COG7: variants seen among roughly 807,000 people sequenced by gnomAD.
COG7 encodes the protein conserved oligomeric Golgi complex subunit 7.
In COG7, 49 loss-of-function variants were observed where a neutral mutation model predicts 91.5. The ratio of observed to expected loss-of-function variants is 0.54; its 90% CI spans 0.43 to 0.68. The LOEUF (loss-of-function observed/expected upper bound fraction) is 0.68, where lower values mean the gene tolerates loss of function less well. COG7 is among the 30% of genes least tolerant of loss of function. The pLI, the probability that COG7 is intolerant of heterozygous loss-of-function variation, is 0.00. For synonymous variants in COG7, 365 were observed against 388.7 expected (o/e 0.94, Z 0.72); for missense variants, 895 against 961.3 (o/e 0.93, Z 0.91).
chr16:23,402,535 C>G (rs1351272282), intron 13 of COG7, among the ~76,000 whole-genome samples: 5 of 152,174 alleles, frequency 3.3e-5, no homozygotes, highest in Non-Finnish European at 7.3e-5. Context: ...TATACAAAAT[C>G]TCACTTAATC....
chr16:23,407,269 G>A (rs928453107), intron 11 of COG7, among the ~76,000 whole-genome samples: 2 of 152,172 alleles, frequency 1.3e-5, no homozygotes, highest in African/African-American at 4.8e-5. Context: ...CCTGTTGCTT[G>A]AGCCAACCAG....
At position 23,416,737 on chromosome 16, in the gene COG7, T is replaced by C. The variant is rs250577; in HGVS notation, c.1292+230A>G. 101,936 of 579,142 alleles carry C rather than the reference T, an allele frequency of 0.18. 9,766 individuals carry two copies. Among genetic ancestry groups the C allele is most frequent in the East Asian group, 0.3 (10,216 of 34,178 alleles). The allele number at this position is 579,142 out of a possible 1,614,324, so 35.9% of individuals were successfully genotyped here. ...AACTGCTGCACAAGTTTCCCTCATA[T>C]GAATATGTCACATCTTAAGTAACCT... On this transcript the variant is annotated intron_variant, in intron 9 of 16. Transcript: ENST00000307149.
intron 3 of COG7, among the ~76,000 whole-genome samples, chr16:23,444,706 AT>A (rs1401341767): frequency 6.6e-6 from 1 of 150,938 alleles, no homozygotes; most frequent in Non-Finnish European, 1.5e-5. Flanking sequence ...GGGTCTCATT[AT>A]TTTGCCCAGG....
chr16:23,431,253 C>T (rs1567342727), intron 6 of COG7, among the ~76,000 whole-genome samples: 1 of 152,034 alleles, frequency 6.6e-6, no homozygotes, highest in Non-Finnish European at 1.5e-5. Context: ...ACACATGTGC[C>T]CTGGCTCCTG....
intron 11 of COG7, among the ~76,000 whole-genome samples, chr16:23,406,609 G>C (rs1963468117): frequency 1.3e-5 from 2 of 152,212 alleles, no homozygotes; most frequent in Non-Finnish European, 2.9e-5. Context: ...ATGAGCATCA[G>C]GGTGTAGAAC....
chr16:23,420,664 G>A (rs1318145031), intron 7 of COG7, among the ~76,000 whole-genome samples: 1 of 152,164 alleles, frequency 6.6e-6, no homozygotes, highest in Non-Finnish European at 1.5e-5. Flanking sequence ...GTAGAGATTA[G>A]GTAAAGTAAT....
At chr16:23,395,374 G>A (rs910665158) in intron 14 of COG7, among the ~76,000 whole-genome samples, 41 of 152,178 alleles carry the variant, frequency 2.7e-4, no homozygotes, top group African/African-American at 8.9e-4. Context: ...CACCTACTAC[G>A]TACAAAGACC....
intron 10 of COG7, chr16:23,412,446 T>C (rs1963579081): frequency 6.6e-6 from 1 of 152,182 alleles, no homozygotes; most frequent in Non-Finnish European, 1.5e-5. Context: ...ATCCACTTGT[T>C]AAAAACTGCA....
rs879045195 is a variant in COG7, at chr16:23,450,241, G to T, written c.169+2585C>A. Among the ~76,000 whole-genome samples, 3 of 151,954 alleles carry T rather than the reference G, an allele frequency of 2.0e-5. No individual in the cohort carries two copies. In the East Asian group the frequency reaches 5.8e-4, roughly 29 times the overall value. On this transcript the variant is annotated intron_variant, in intron 1 of 16. Coordinates refer to ENST00000307149, the MANE Select transcript of COG7 (RefSeq NM_153603.4). ...ATGAGCCACTGCGCCCAGCCAATTT[G>T]CTATTATATTATTATTAATGTCCTT...
intron 1 of COG7, among the ~76,000 whole-genome samples, chr16:23,449,670 G>A (rs1465766571): frequency 6.6e-6 from 1 of 150,578 alleles, no homozygotes; most frequent in Non-Finnish European, 1.5e-5. Flanking sequence ...GAACCCGAGA[G>A]GCGGAGGTTG....
At position 23,453,031 on chromosome 16, in the gene COG7, G is replaced by C; in HGVS notation, c.-37C>G. 2.5e-6 allele frequency: 4 copies of C among 1,612,796 alleles called. No individual in the cohort carries two copies. Among genetic ancestry groups the C allele is most frequent in the Non-Finnish European group, 3.4e-6 (4 of 1,179,180 alleles). ...CTCAGGCCTGGCGTCCAGAACTTAAGAGTTGGCTCCGGGCGGCAACGGGGA... is the reference window on the plus strand; with the variant it reads ...CTCAGGCCTGGCGTCCAGAACTTAACAGTTGGCTCCGGGCGGCAACGGGGA... On this transcript the variant is annotated 5_prime_UTR_variant, in exon 1 of 17. Coordinates refer to ENST00000307149, the MANE Select transcript of COG7 (RefSeq NM_153603.4).
intron 9 of COG7, chr16:23,413,890 T>C (rs1963610109): frequency 3.3e-6 from 1 of 307,338 alleles, no homozygotes; most frequent in Non-Finnish European, 6.3e-6. Context: ...TAAGTACATT[T>C]CTGTGAAAGC....
intron 15 of COG7, 96 bp from the exon 16 acceptor site, chr16:23,392,619 A>T: frequency 6.8e-7 from 1 of 1,476,710 alleles, no homozygotes; most frequent in South Asian, 1.1e-5. Flanking sequence ...AATGGCAAAC[A>T]CAGGAAACCG....
At chr16:23,415,107 A>G (rs998590930) in intron 9 of COG7, 3 of 152,188 alleles carry the variant, frequency 2.0e-5, no homozygotes, top group African/African-American at 7.2e-5. Context: ...AAGCTGCAAA[A>G]CCCAGAGTAC....
At chr16:23,406,841 GGCA>G (rs1963471493) in intron 11 of COG7, among the ~76,000 whole-genome samples, 1 of 152,178 alleles carries the variant, frequency 6.6e-6, no homozygotes, top group South Asian at 2.1e-4. Flanking sequence ...TATTGAGGCT[GGCA>G]CTTTCCAAAC....
At chr16:23,437,845 G>C (rs1964035326) in intron 4 of COG7, among the ~76,000 whole-genome samples, 1 of 152,184 alleles carries the variant, frequency 6.6e-6, no homozygotes, top group Non-Finnish European at 1.5e-5. Flanking sequence ...CCAGCACCTG[G>C]GGAGGCTGAG....
In COG7 at chr16:23,392,535, A is replaced by G. The variant is rs1226558189; in HGVS notation, c.2003-12T>C. 6.2e-7 allele frequency: 1 copy of G among 1,614,168 alleles called. No homozygotes were observed. Among genetic ancestry groups the G allele is most frequent in the South Asian group, 1.1e-5 (1 of 91,080 alleles). On this transcript the variant is annotated splice_polypyrimidine_tract_variant and intron_variant, in intron 15 of 16. Transcript: ENST00000307149. ...GGGCAATTCATCCCCTGAAAAGAAA[A>G]GGAGGTCACCAAGGAAAACACAGGC...
chr16:23,409,095 A>ATG (rs111405261), intron 11 of COG7, among the ~76,000 whole-genome samples: 28,526 of 132,324 alleles, frequency 0.22, 2,803 homozygotes, highest in East Asian at 0.28. Context: ...GTGTGCGTGC[A>ATG]TGTGTGTGTG....
intron 6 of COG7, among the ~76,000 whole-genome samples, chr16:23,431,082 C>T (rs965203849): frequency 4.6e-5 from 7 of 151,990 alleles, no homozygotes; most frequent in African/African-American, 1.7e-4. Flanking sequence ...CAGACAGAGA[C>T]AGGGATAGAC....
Sources: allele counts gnomAD v4.1 joint callset (sites outside exome capture counted in the v4.1 genomes callset), GRCh38; gene constraint gnomAD v4.1.1; transcripts MANE v1.5; gene names NCBI Gene and HGNC (gene_info 2026-07-23, HGNC 2026-07-21).